The following STON2 variants were observed in gnomAD, a reference collection of about 807,000 sequenced individuals.
STON2 encodes the protein stonin 2.
A neutral mutation model predicts 65.7 loss-of-function variants in STON2; 29 were observed. The ratio of observed to expected loss-of-function variants is 0.44; its 90% CI spans 0.33 to 0.60. STON2 has a LOEUF of 0.60. STON2 is among the 20% of genes least tolerant of loss of function. The probability of loss-of-function intolerance (pLI) is 0.03; values close to 1 mark genes in which losing one functional copy is unlikely to be tolerated. For missense variants in STON2, 1,054 were observed against 1,118.1 expected (o/e 0.94, Z 0.82); for synonymous variants, 404 against 414.2 (o/e 0.98, Z 0.30).
At chr14:81,347,615 T>TAAAAAAA (rs55784716) in intron 4 of STON2, among the ~76,000 whole-genome samples, 11 of 72,618 alleles carry the variant, frequency 1.5e-4, no homozygotes, top group Non-Finnish European at 2.0e-4. Flanking sequence ...AAGAAGACAG[T>TAAAAAAA]AAAAAAAAAA....
chr14:81,333,107 T>G, intron 4 of STON2: 3 of 1,045,160 alleles, frequency 2.9e-6, no homozygotes, highest in Non-Finnish European at 4.4e-6. Context: ...GATTCATATT[T>G]CTTTGCATAA....
At chr14:81,425,577 A>G (rs1021269240) in intron 2 of STON2, among the ~76,000 whole-genome samples, 11 of 152,172 alleles carry the variant, frequency 7.2e-5, no homozygotes, top group Admixed American at 7.2e-4. Context: ...CCATCAAAAA[A>G]AAAAAAGTAG....
chr14:81,342,404 G>A (rs943618304), intron 4 of STON2, among the ~76,000 whole-genome samples: 1 of 152,130 alleles, frequency 6.6e-6, no homozygotes, highest in African/African-American at 2.4e-5. Flanking sequence ...CAAAGTGCTG[G>A]GATTACAGGA....
At chr14:81,354,431 G>A (rs1052356148) in intron 4 of STON2, among the ~76,000 whole-genome samples, 31 of 152,232 alleles carry the variant, frequency 2.0e-4, no homozygotes, top group Admixed American at 1.8e-3. Context: ...CCTCAAATAC[G>A]CAGATATCGA....
At chr14:81,307,853 T>A (rs1325638136) in intron 5 of STON2, among the ~76,000 whole-genome samples, 2 of 152,348 alleles carry the variant, frequency 1.3e-5, no homozygotes, top group East Asian at 3.9e-4. Context: ...TATGTGTTAA[T>A]CATTTTATGT....
At position 81,263,146 on chromosome 14, in the gene STON2, A is replaced by G. The variant is rs1468576175; in HGVS notation, c.*5268T>C. ...TAGTTTTGCTTGAAATTCCTGTTAA[A>G]TTGCATTCTGGACATGACCTAAGGC... On this transcript the variant is annotated 3_prime_UTR_variant, in exon 8 of 8. Coordinates refer to ENST00000614646, the MANE Select transcript of STON2 (RefSeq NM_001394390.1). The G allele has an allele frequency of 1.0e-6, 1 of 985,248 alleles. No homozygotes were observed. The highest frequency in any genetic ancestry group is 1.2e-6 in the Non-Finnish European group (1 of 829,934). The allele number at this position is 985,248 out of a possible 1,614,324, so 61.0% of individuals were successfully genotyped here. A position where few individuals can be genotyped will look rare whatever the true frequency, so the allele number is the denominator to read the frequency against.
At chr14:81,269,801 C>T (rs959099470) in intron 7 of STON2, 1 of 985,372 alleles carries the variant, frequency 1.0e-6, no homozygotes, top group Non-Finnish European at 1.2e-6. Flanking sequence ...TTTCTAACTC[C>T]CCAGGAAAGT....
At position 81,411,421 on chromosome 14, in the gene STON2, T is replaced by C. The variant is rs937623520; in HGVS notation, c.-198-12841A>G. ...TAGATGTTCAGGGTACAAAAGTAAA[T>C]GAGGGCTGGGCGCACTGGCTCACGC... is the stretch of plus-strand genomic sequence containing the variant. On this transcript the variant is annotated intron_variant, in intron 2 of 8. Coordinates refer to the STON2 transcript ENST00000553821. 3.2e-4 allele frequency among the ~76,000 whole-genome samples: 48 copies of C among 152,190 alleles called. 1 individual carries two copies. The highest frequency in any genetic ancestry group is 7.3e-5 in the Non-Finnish European group (5 of 68,032).
chr14:81,347,626 A>AT (rs1262969265), intron 4 of STON2, among the ~76,000 whole-genome samples: 1 of 149,604 alleles, frequency 6.7e-6, no homozygotes, highest in Non-Finnish European at 1.5e-5. Flanking sequence ...AAAAAAAAAA[A>AT]AAAAAAAAAA....
At chr14:81,376,981 A>G (rs1228141213) in intron 3 of STON2, among the ~76,000 whole-genome samples, 7 of 152,026 alleles carry the variant, frequency 4.6e-5, no homozygotes, top group African/African-American at 1.7e-4. Context: ...CAATCCACCA[A>G]TCTTATTCAT....
rs1894333292 is a variant in STON2, at chr14:81,265,683, C to G, written c.*2731G>C. ...AATAATAATAATAATAATACTCTGT[C>G]TCAATAATAATAATAATAATAATTT... On this transcript the variant is annotated 3_prime_UTR_variant, in exon 8 of 8. Transcript: ENST00000614646. The G allele has an allele frequency of 3.2e-6, 1 of 310,312 alleles. No homozygotes were observed. Among genetic ancestry groups the G allele is most frequent in the Non-Finnish European group, 4.4e-6 (1 of 228,220 alleles). 19.2% of individuals were successfully genotyped at this position (310,312 alleles called of 1,614,324 possible). A position where few individuals can be genotyped will look rare whatever the true frequency, so the allele number is the denominator to read the frequency against.
intron 2 of STON2, among the ~76,000 whole-genome samples, chr14:81,415,759 T>C (rs1445155721): frequency 6.6e-6 from 1 of 152,050 alleles, no homozygotes; most frequent in Non-Finnish European, 1.5e-5. Context: ...TCTATGTATA[T>C]GATTATACAC....
In STON2 at chr14:81,266,074, A is replaced by C. The variant is rs1894347231; in HGVS notation, c.*2340T>G. 5 of 985,368 alleles carry C rather than the reference A, an allele frequency of 5.1e-6. No individual in the cohort carries two copies. The highest frequency in any genetic ancestry group is 6.0e-6 in the Non-Finnish European group (5 of 829,888). 61.0% of individuals were successfully genotyped at this position (985,368 alleles called of 1,614,324 possible). On this transcript the variant is annotated 3_prime_UTR_variant, in exon 8 of 8. Coordinates refer to ENST00000614646, the MANE Select transcript of STON2 (RefSeq NM_001394390.1). ...CACTGTATTTCAAAGAGCATGAAAA[A>C]CCACTTATGAAGAAAAAGACAAATG...
chr14:81,405,238 T>C (rs1900789712), upstream of STON2, among the ~76,000 whole-genome samples: 1 of 152,164 alleles, frequency 6.6e-6, no homozygotes. Context: ...TCTCTTCTCA[T>C]CTCCATTCTC....
rs1894191412 is a variant in STON2, at chr14:81,262,565, A to T, written c.*5849T>A. 1.0e-6 allele frequency: 1 copy of T among 985,372 alleles called. No individual in the cohort carries two copies. Among genetic ancestry groups the T allele is most frequent in the Non-Finnish European group, 1.2e-6 (1 of 829,902 alleles). The allele number at this position is 985,372 out of a possible 1,614,324, so 61.0% of individuals were successfully genotyped here. ...TCTAGATTTTACTTTTTCATATTGA[A>T]ATTCTTTTTTTAGTCTATTCTCTTG... On this transcript the variant is annotated 3_prime_UTR_variant, in exon 8 of 8. Coordinates refer to ENST00000614646, the MANE Select transcript of STON2 (RefSeq NM_001394390.1).
intron 7 of STON2, chr14:81,270,464 T>C (rs2140099199): frequency 6.7e-7 from 1 of 1,483,630 alleles, no homozygotes; most frequent in East Asian, 2.3e-5. Context: ...TCTTTATTTT[T>C]TTCCAACCTT....
chr14:81,413,193 A>G (rs1427641973), intron 2 of STON2: 1 of 1,541,870 alleles, frequency 6.5e-7, no homozygotes, highest in Admixed American at 1.8e-5. Context: ...CACTTCATCT[A>G]CTTCTACCTG....
chr14:81,320,928 G>C (rs1338417315), intron 5 of STON2, among the ~76,000 whole-genome samples: 1 of 152,166 alleles, frequency 6.6e-6, no homozygotes, highest in African/African-American at 2.4e-5. Context: ...CAAGGAGCAG[G>C]AAACTGGAGC....
rs1450978428 is a variant in STON2, at chr14:81,262,216, A to T, written c.*6198T>A. ...CTTACTTAACATAGTGATTGTCTCC[A>T]TGGCTATGTCCTGTAAAGATTCACA... On this transcript the variant is annotated 3_prime_UTR_variant, in exon 8 of 8. Coordinates refer to ENST00000614646, the MANE Select transcript of STON2 (RefSeq NM_001394390.1). 2 of 985,332 alleles carry T rather than the reference A, an allele frequency of 2.0e-6. No homozygotes were observed. The highest frequency in any genetic ancestry group is 2.4e-6 in the Non-Finnish European group (2 of 829,940). The allele number at this position is 985,332 out of a possible 1,614,324, so 61.0% of individuals were successfully genotyped here.
Sources: gnomAD v4.1 joint callset for allele counts (sites outside exome capture counted in the v4.1 genomes callset) on GRCh38, gnomAD v4.1.1 for gene constraint, MANE v1.5 for transcripts, NCBI Gene and HGNC (gene_info 2026-07-23, HGNC 2026-07-21) for gene names.